Variants in L3MBTL3 observed in about 807,000 individuals in gnomAD.
The protein encoded by L3MBTL3 is lethal(3)malignant brain tumor-like protein 3.
L3MBTL3 carries 27 observed loss-of-function variants against 102.3 expected under a neutral mutation model. That is an observed-to-expected ratio of 0.26 (90% confidence interval 0.19 to 0.36). The LOEUF is 0.36. Ranked by LOEUF, L3MBTL3 falls within the 10% of genes least tolerant of loss-of-function variation. The pLI is 1.00. For missense variants in L3MBTL3, 798 were observed against 955.3 expected (o/e 0.84, Z 2.17); for synonymous variants, 340 against 320.9 (o/e 1.06, Z -0.64).
intron 7 of L3MBTL3, 170 bp from the exon 8 acceptor site, chr6:130,055,001 A>C: frequency 6.8e-6 from 4 of 588,364 alleles, no homozygotes. Flanking sequence ...TAATAACCTC[A>C]GGCCAAAAGC....
chr6:130,042,114 C>T (rs922956194), intron 2 of L3MBTL3, among the ~76,000 whole-genome samples: 2 of 152,108 alleles, frequency 1.3e-5, no homozygotes, highest in Non-Finnish European at 2.9e-5. Context: ...GTATCAATAC[C>T]ACAACCAATG....
chr6:130,043,439 A>C (rs987352938), intron 3 of L3MBTL3, among the ~76,000 whole-genome samples: 2 of 152,138 alleles, frequency 1.3e-5, no homozygotes, highest in African/African-American at 4.8e-5. Flanking sequence ...CCCCAAACCT[A>C]TTCCAGGACC....
chr6:130,049,255 T>G (rs774057187), intron 3 of L3MBTL3, 27 bp from the exon 4 acceptor site: 1 of 1,318,462 alleles, frequency 7.6e-7, no homozygotes, highest in South Asian at 1.2e-5. Flanking sequence ...CTTTTTAAAT[T>G]TTGCCTTTCT....
chr6:130,131,440 T>C (rs1787023312), intron 20 of L3MBTL3, among the ~76,000 whole-genome samples: 1 of 152,232 alleles, frequency 6.6e-6, no homozygotes, highest in African/African-American at 2.4e-5. Flanking sequence ...CAAAGCTTAA[T>C]GTACACACAT....
chr6:130,085,770 T>G (rs997159504), intron 15 of L3MBTL3, among the ~76,000 whole-genome samples: 5 of 152,174 alleles, frequency 3.3e-5, no homozygotes, highest in African/African-American at 4.8e-5. Flanking sequence ...TTAATTTTTA[T>G]TTTTTTGAGA....
At chr6:130,095,939 G>T (rs1433582955) in intron 18 of L3MBTL3, among the ~76,000 whole-genome samples, 1 of 152,102 alleles carries the variant, frequency 6.6e-6, no homozygotes, top group Non-Finnish European at 1.5e-5. Context: ...AGTTTTGGAG[G>T]GGGTATTCAA....
chr6:130,108,365 G>A (rs554982058), intron 19 of L3MBTL3, among the ~76,000 whole-genome samples: 2 of 151,396 alleles, frequency 1.3e-5, no homozygotes, highest in Non-Finnish European at 2.9e-5. Context: ...CTCCCGAGTA[G>A]CTGGGATTAC....
chr6:130,041,826 C>G lies in L3MBTL3; in HGVS notation c.-15-859C>G, dbSNP rs1291876022. Among the ~76,000 whole-genome samples, 4 of 152,296 alleles carry G rather than the reference C, an allele frequency of 2.6e-5. No individual in the cohort carries two copies. The South Asian group carries it at 6.2e-4, about 24-fold the overall frequency. ...ACATTTCCTGCTATTGAGCAGAAAT[C>G]AGCTTCTTCTATGGGGAGAATTGTG... On this transcript the variant is annotated intron_variant, in intron 2 of 22. Coordinates refer to ENST00000361794, the MANE Select transcript of L3MBTL3 (RefSeq NM_032438.4).
intron 7 of L3MBTL3, 93 bp from the exon 8 acceptor site, chr6:130,055,078 A>G: frequency 1.1e-6 from 1 of 873,758 alleles, no homozygotes; most frequent in African/African-American, 1.7e-5. Flanking sequence ...GAAGAAAAGA[A>G]CAACAGAAAA....
At chr6:130,089,273 T>G (rs1250515843) in intron 16 of L3MBTL3, among the ~76,000 whole-genome samples, 2 of 150,950 alleles carry the variant, frequency 1.3e-5, no homozygotes, top group South Asian at 2.1e-4. Context: ...GTGTCCAAGT[T>G]TTCTCATTGT....
intron 7 of L3MBTL3, among the ~76,000 whole-genome samples, 200 bp downstream of exon 7, chr6:130,053,191 C>T (rs573880239): frequency 2.1e-5 from 1 of 47,818 alleles, no homozygotes; most frequent in South Asian, 1.1e-3. Flanking sequence ...TAGTATCCTT[C>T]TCTCAGGGTG....
intron 18 of L3MBTL3, among the ~76,000 whole-genome samples, chr6:130,102,119 C>T (rs1784732995): frequency 6.6e-6 from 1 of 152,030 alleles, no homozygotes; most frequent in African/African-American, 2.4e-5. Context: ...AAAGGCACCT[C>T]TGTTACCACC....
intron 18 of L3MBTL3, 150 bp from the exon 19 acceptor site, chr6:130,104,275 CT>C: frequency 2.2e-6 from 1 of 463,856 alleles, no homozygotes; most frequent in African/African-American, 2.0e-5. Flanking sequence ...ATAAAATATG[CT>C]GTATGTATGA....
Position 130,140,096 on chromosome 6 carries a change from A to T in L3MBTL3, c.*343A>T, listed in dbSNP as rs1788141406. The T allele has an allele frequency of 5.3e-6, 1 of 190,006 alleles. No homozygotes were observed. Among genetic ancestry groups the T allele is most frequent in the Non-Finnish European group, 1.1e-5 (1 of 92,244 alleles). 11.8% of individuals were successfully genotyped at this position (190,006 alleles called of 1,614,324 possible). A position where few individuals can be genotyped will look rare whatever the true frequency, so the allele number is the denominator to read the frequency against. ...TAAGAACTTTTGGCATTTTGTAAAC[A>T]TTGTTGAATTCTCTTTCATGTACAC... On this transcript the variant is annotated 3_prime_UTR_variant, in exon 23 of 23. Coordinates refer to ENST00000361794, the MANE Select transcript of L3MBTL3 (RefSeq NM_032438.4).
At chr6:130,056,554 G>C (rs1230584109) in intron 8 of L3MBTL3, among the ~76,000 whole-genome samples, 1 of 152,172 alleles carries the variant, frequency 6.6e-6, no homozygotes, top group African/African-American at 2.4e-5. Context: ...CCTGCCCTAG[G>C]CACACAGCTT....
intron 9 of L3MBTL3, 78 bp from the exon 10 acceptor site, chr6:130,059,958 T>G: frequency 2.7e-6 from 2 of 731,182 alleles, no homozygotes; most frequent in Non-Finnish European, 2.3e-6. Flanking sequence ...AGTCTTTATT[T>G]TTAAAATGGT....
At position 130,071,900 on chromosome 6, in the gene L3MBTL3, C is replaced by T. The variant is rs535453721; in HGVS notation, c.1244+773C>T. On this transcript the variant is annotated intron_variant, in intron 13 of 22. Coordinates refer to ENST00000361794, the MANE Select transcript of L3MBTL3 (RefSeq NM_032438.4). ...TTTCCATTACTTCTCAGATGGGATT[C>T]TTAGATACTCATTAGTTTTACTTGC... Among the ~76,000 whole-genome samples, 4 of 152,052 alleles carry T rather than the reference C, an allele frequency of 2.6e-5. No individual in the cohort carries two copies. The East Asian group carries it at 7.7e-4, about 29-fold the overall frequency.
intron 18 of L3MBTL3, among the ~76,000 whole-genome samples, chr6:130,096,566 C>T (rs775736246): frequency 2.0e-5 from 3 of 152,136 alleles, no homozygotes; most frequent in East Asian, 1.9e-4. Context: ...GACTGCTTTA[C>T]GTTTGAGTGG....
At chr6:130,102,017 C>CTGCTT (rs1485901554) in intron 18 of L3MBTL3, among the ~76,000 whole-genome samples, 1 of 152,116 alleles carries the variant, frequency 6.6e-6, no homozygotes, top group East Asian at 1.9e-4. Context: ...AGTAACATCT[C>CTGCTT]TGCTTGGATG....
Sources: gnomAD v4.1 joint callset for allele counts (sites outside exome capture counted in the v4.1 genomes callset) on GRCh38, gnomAD v4.1.1 for gene constraint, MANE v1.5 for transcripts, NCBI Gene and HGNC (gene_info 2026-07-23, HGNC 2026-07-21) for gene names.